CA10: variants seen among roughly 807,000 people sequenced by gnomAD.
CA10 encodes the protein carbonic anhydrase 10 (inactive).
In CA10, 14 loss-of-function variants were observed where a neutral mutation model predicts 44.2. That is an observed-to-expected ratio of 0.32 (90% CI 0.21 to 0.50). The LOEUF is 0.50. Ranked by LOEUF, CA10 falls within the 20% of genes least tolerant of loss-of-function variation. CA10 has a pLI of 0.99. For synonymous variants in CA10, 159 were observed against 141.6 expected (o/e 1.12, Z -0.87); for missense variants, 350 against 409.7 (o/e 0.85, Z 1.26).
intron 1 of CA10, among the ~76,000 whole-genome samples, chr17:52,087,971 T>A (rs547994107): frequency 6.6e-6 from 1 of 152,150 alleles, no homozygotes; most frequent in African/African-American, 2.4e-5. Flanking sequence ...TTATCCTTAG[T>A]CATAGGACCA....
At chr17:51,689,353 A>C (rs1915110579) in intron 4 of CA10, among the ~76,000 whole-genome samples, 1 of 152,216 alleles carries the variant, frequency 6.6e-6, no homozygotes, top group Admixed American at 6.5e-5. Context: ...AGCAGTCAGG[A>C]TTCCAGCCCA....
chr17:51,735,484 C>T (rs1169480314), intron 4 of CA10, among the ~76,000 whole-genome samples: 1 of 151,942 alleles, frequency 6.6e-6, no homozygotes. Flanking sequence ...CTCAGCATCG[C>T]GAGATATACC....
chr17:52,137,579 G>A (rs112434204), intron 1 of CA10, among the ~76,000 whole-genome samples: 8 of 152,236 alleles, frequency 5.3e-5, no homozygotes, highest in African/African-American at 1.9e-4. Context: ...TTGACTGTCA[G>A]CTTTGAGTCT....
chr17:51,934,969 T>C lies in CA10; in HGVS notation c.137-3837A>G, dbSNP rs144070557. Among the ~76,000 whole-genome samples, 189 of 152,230 alleles carry C rather than the reference T, an allele frequency of 1.2e-3. 4 individuals carry two copies. The South Asian group carries it at 0.022, about 18-fold the overall frequency. ...GCGTCCATGAAGTGCCTGTGCCTAC[T>C]GGGGCATGGGAGTCAGATGGCCCAC... On this transcript the variant is annotated intron_variant, in intron 2 of 8. Coordinates refer to ENST00000451037, the MANE Select transcript of CA10 (RefSeq NM_020178.5).
chr17:51,673,658 TC>T (rs1914508887), intron 4 of CA10, among the ~76,000 whole-genome samples: 1 of 152,188 alleles, frequency 6.6e-6, no homozygotes, highest in South Asian at 2.1e-4. Flanking sequence ...TATTATTGCA[TC>T]ACTTCCTAAC....
chr17:51,676,638 C>T (rs1567799329), intron 4 of CA10, among the ~76,000 whole-genome samples: 1 of 152,198 alleles, frequency 6.6e-6, no homozygotes, highest in Non-Finnish European at 1.5e-5. Context: ...CTATTGGCTG[C>T]AAAGTGAGCG....
At chr17:51,887,039 A>G (rs766592980) in intron 3 of CA10, among the ~76,000 whole-genome samples, 1 of 152,188 alleles carries the variant, frequency 6.6e-6, no homozygotes, top group Non-Finnish European at 1.5e-5. Flanking sequence ...TCCAGCTTGC[A>G]TATAGCAGAT....
chr17:52,002,489 A>G (rs4794315), intron 2 of CA10, among the ~76,000 whole-genome samples: 57,100 of 151,810 alleles, frequency 0.38, 12,720 homozygotes, highest in East Asian at 0.74. Flanking sequence ...AAGATGGATA[A>G]TTATGGAGTC....
intron 4 of CA10, among the ~76,000 whole-genome samples, chr17:51,709,122 T>C (rs117534564): frequency 0.011 from 1,669 of 152,360 alleles, 10 homozygotes; most frequent in Non-Finnish European, 0.018. Context: ...AACTCATTCA[T>C]TCATCTATTC....
chr17:52,105,530 C>A (rs1988643612), intron 1 of CA10, among the ~76,000 whole-genome samples: 1 of 152,208 alleles, frequency 6.6e-6, no homozygotes, highest in Admixed American at 6.5e-5. Context: ...GCGTGAGCCA[C>A]CACACCTGGC....
At chr17:52,068,357 C>T (rs570042253) in intron 2 of CA10, among the ~76,000 whole-genome samples, 1 of 152,232 alleles carries the variant, frequency 6.6e-6, no homozygotes, top group Non-Finnish European at 1.5e-5. Context: ...TTTCCTGAGG[C>T]CTCCCGGCCA....
intron 2 of CA10, among the ~76,000 whole-genome samples, chr17:52,013,897 C>T (rs1274331981): frequency 6.6e-6 from 1 of 151,928 alleles, no homozygotes; most frequent in Non-Finnish European, 1.5e-5. Context: ...GCTTACTGTG[C>T]TACACTGATC....
intron 4 of CA10, among the ~76,000 whole-genome samples, chr17:51,684,177 TTGGAGTGTG>T (rs1914934879): frequency 6.6e-6 from 1 of 152,020 alleles, no homozygotes; most frequent in Non-Finnish European, 1.5e-5. Context: ...GGACCAGAGA[TTGGAGTGTG>T]ATGAGTGTGA....
At chr17:51,759,412 T>C (rs1692364164) in intron 3 of CA10, among the ~76,000 whole-genome samples, 1 of 148,206 alleles carries the variant, frequency 6.7e-6, no homozygotes, top group African/African-American at 2.5e-5. Flanking sequence ...TTTTAATATA[T>C]CAAATATATT....
At chr17:51,981,245 T>C (rs1422131925) in intron 2 of CA10, among the ~76,000 whole-genome samples, 1 of 152,010 alleles carries the variant, frequency 6.6e-6, no homozygotes, top group African/African-American at 2.4e-5. Context: ...TCTTTATTGA[T>C]CATAACCCCA....
At chr17:51,767,306 C>CT (rs68184200) in intron 3 of CA10, among the ~76,000 whole-genome samples, 152,262 of 152,272 alleles carry the variant, frequency 1, 76,126 homozygotes, top group Middle Eastern at 1. Context: ...ATTTTTAGTA[C>CT]TCATCCTCAG....
At chr17:51,802,129 A>G (rs1327938578) in intron 3 of CA10, among the ~76,000 whole-genome samples, 1 of 152,224 alleles carries the variant, frequency 6.6e-6, no homozygotes, top group African/African-American at 2.4e-5. Context: ...TGGAAAGCCA[A>G]CTATTACTGA....
intron 6 of CA10, 47 bp from the exon 7 acceptor site, chr17:51,636,056 A>G: frequency 1.5e-6 from 2 of 1,324,916 alleles, no homozygotes; most frequent in South Asian, 1.4e-5. Flanking sequence ...TGAGAAAGGG[A>G]TGGTATTGCT....
At position 52,031,724 on chromosome 17, in the gene CA10, T is replaced by G. The variant is rs182793874; in HGVS notation, c.136+40595A>C. On this transcript the variant is annotated intron_variant, in intron 2 of 8. Transcript: ENST00000451037. Reference sequence around the variant, plus strand: ...AATAAGTAAAGAGTTCTTCACACAGTTCTTTGGTGATGCCATGTGTTTAAT... The same window carrying G: ...AATAAGTAAAGAGTTCTTCACACAGGTCTTTGGTGATGCCATGTGTTTAAT... Among the ~76,000 whole-genome samples, 16 of 152,318 alleles carry G rather than the reference T, an allele frequency of 1.1e-4. No homozygotes were observed. In the East Asian group the frequency reaches 1.9e-3, roughly 18 times the overall value.
Sources: allele counts gnomAD v4.1 joint callset (sites outside exome capture counted in the v4.1 genomes callset), GRCh38; gene constraint gnomAD v4.1.1; transcripts MANE v1.5; gene names NCBI Gene and HGNC (gene_info 2026-07-23, HGNC 2026-07-21).